The following MGAT4C variants were observed in gnomAD, a reference collection of about 807,000 sequenced individuals.
MGAT4C encodes MGAT4 family member C, also known as alpha-1,3-mannosyl-glycoprotein 4-beta-N-acetylglucosaminyltransferase C.
A neutral mutation model predicts 40.1 loss-of-function variants in MGAT4C; 19 were observed. That is an observed-to-expected ratio of 0.47 (90% CI 0.33 to 0.70). The LOEUF (loss-of-function observed/expected upper bound fraction) is 0.70. MGAT4C is among the 30% of genes least tolerant of loss of function. The pLI, the probability that MGAT4C is intolerant of heterozygous loss-of-function variation, is 0.02. For synonymous variants in MGAT4C, 181 were observed against 187.1 expected, an observed-to-expected ratio of 0.97 and a Z score of 0.27; for missense variants, 491 against 563.2, an observed-to-expected ratio of 0.87 and a Z score of 1.30.
chr12:86,688,874 G>GA (rs1350075874), intron 2 of MGAT4C, among the ~76,000 whole-genome samples: 3 of 152,076 alleles, frequency 2.0e-5, no homozygotes, highest in African/African-American at 7.2e-5. Context: ...TATATTTCCT[G>GA]AATTTGAATG....
intron 4 of MGAT4C, among the ~76,000 whole-genome samples, chr12:86,271,703 T>A (rs761841517): frequency 6.6e-6 from 1 of 152,216 alleles, no homozygotes; most frequent in African/African-American, 2.4e-5. Flanking sequence ...TGCACTTGCA[T>A]GTTTATTGCA....
chr12:86,512,287 G>A (rs1565817054), intron 2 of MGAT4C, among the ~76,000 whole-genome samples: 1 of 152,100 alleles, frequency 6.6e-6, no homozygotes, highest in Non-Finnish European at 1.5e-5. Flanking sequence ...GGAAGACACT[G>A]AAAGCATTGT....
At chr12:86,110,699 C>A (rs1397872633) in intron 1 of MGAT4C, among the ~76,000 whole-genome samples, 1 of 151,418 alleles carries the variant, frequency 6.6e-6, no homozygotes, top group Non-Finnish European at 1.5e-5. Context: ...AAAGTATAAG[C>A]ATGAAAGATT....
At chr12:86,130,316 T>C (rs1048962665) in intron 1 of MGAT4C, among the ~76,000 whole-genome samples, 1 of 152,154 alleles carries the variant, frequency 6.6e-6, no homozygotes, top group East Asian at 1.9e-4. Context: ...CCATATTGAA[T>C]ATGAAATATA....
intron 2 of MGAT4C, among the ~76,000 whole-genome samples, chr12:86,027,224 T>C (rs1050636279): frequency 3.3e-5 from 5 of 151,968 alleles, no homozygotes; most frequent in African/African-American, 1.2e-4. Context: ...CATGGGTATT[T>C]TCCTGGCTGT....
chr12:86,021,947 T>A (rs935354783), intron 2 of MGAT4C, among the ~76,000 whole-genome samples: 2 of 152,214 alleles, frequency 1.3e-5, no homozygotes, highest in Non-Finnish European at 2.9e-5. Context: ...TTTGGGTGGA[T>A]TTAATGCATA....
rs1281143610 is a variant in MGAT4C, at chr12:85,961,909, C to G, written c.*17380G>C. On this transcript the variant is annotated 3_prime_UTR_variant, in exon 5 of 5. Transcript: ENST00000611864. ...AACTTAATGATGTAAGAGTTAATTA[C>G]CCATTGTCAAAAATCATTGCCCATC... The G allele has an allele frequency of 6.6e-6, 1 of 151,776 alleles. No individual in the cohort carries two copies. Among genetic ancestry groups the G allele is most frequent in the Non-Finnish European group, 1.5e-5 (1 of 67,754 alleles). 9.4% of individuals were successfully genotyped at this position (151,776 alleles called of 1,614,324 possible). A position where few individuals can be genotyped will look rare whatever the true frequency, so the allele number is the denominator to read the frequency against.
chr12:86,816,920 ATTAC>A (rs1486483128), intron 1 of MGAT4C, among the ~76,000 whole-genome samples: 1 of 151,060 alleles, frequency 6.6e-6, no homozygotes, highest in African/African-American at 2.4e-5. Flanking sequence ...ATAATTTGAT[ATTAC>A]TTTATTTCTT....
intron 2 of MGAT4C, among the ~76,000 whole-genome samples, chr12:86,545,363 G>C (rs1211532616): frequency 2.0e-5 from 3 of 151,860 alleles, no homozygotes; most frequent in Non-Finnish European, 4.4e-5. Flanking sequence ...TGGTAATTTT[G>C]ATAACCTCAA....
intron 4 of MGAT4C, among the ~76,000 whole-genome samples, chr12:86,329,100 T>TTAAA (rs1294372331): frequency 1.8e-5 from 2 of 108,260 alleles, no homozygotes; most frequent in African/African-American, 3.3e-5. Flanking sequence ...AAGACTCCAT[T>TTAAA]TCAATAAATA....
Position 86,816,079 on chromosome 12 carries a change from C to G in MGAT4C, c.-262+22587G>C, listed in dbSNP as rs145805834. On this transcript the variant is annotated intron_variant, in intron 1 of 7. Coordinates refer to the MGAT4C transcript ENST00000548651. Reference sequence around the variant, plus strand: ...ATTCTTTATTTTCCTGACCATGTCCCCCAATAAGATTTTGAGTAGAAAATT... The same window carrying G: ...ATTCTTTATTTTCCTGACCATGTCCGCCAATAAGATTTTGAGTAGAAAATT... Among the ~76,000 whole-genome samples, 66 of 151,746 alleles carry G rather than the reference C, an allele frequency of 4.3e-4. 1 individual carries two copies. Among genetic ancestry groups the G allele is most frequent in the Admixed American group, 1.3e-3 (20 of 15,178 alleles).
intron 2 of MGAT4C, among the ~76,000 whole-genome samples, chr12:86,603,586 CA>C (rs1474207140): frequency 5.1e-5 from 6 of 116,718 alleles, no homozygotes; most frequent in South Asian, 2.5e-4. Context: ...AATATATAGT[CA>C]TATAGTCTAT....
At chr12:86,826,636 A>G (rs1952814174) in intron 1 of MGAT4C, among the ~76,000 whole-genome samples, 1 of 151,404 alleles carries the variant, frequency 6.6e-6, no homozygotes, top group Admixed American at 6.6e-5. Flanking sequence ...TATAATTTTA[A>G]AAATCCAACA....
At chr12:86,594,004 C>A (rs1462655697) in intron 2 of MGAT4C, among the ~76,000 whole-genome samples, 4 of 152,116 alleles carry the variant, frequency 2.6e-5, no homozygotes, top group Non-Finnish European at 2.9e-5. Context: ...CCTCGGCTTG[C>A]TTCTCCTAGC....
At chr12:86,423,307 T>C (rs1269870035) in intron 3 of MGAT4C, among the ~76,000 whole-genome samples, 1 of 151,760 alleles carries the variant, frequency 6.6e-6, no homozygotes, top group Non-Finnish European at 1.5e-5. Flanking sequence ...TATGAAGCAA[T>C]ATTATTATTA....
At chr12:86,802,588 G>A (rs1328384394) in intron 1 of MGAT4C, among the ~76,000 whole-genome samples, 1 of 151,546 alleles carries the variant, frequency 6.6e-6, no homozygotes, top group Non-Finnish European at 1.5e-5. Context: ...AAATCAGTGT[G>A]CAAAAATCAC....
chr12:86,797,887 CATTG>C (rs573663963), intron 1 of MGAT4C, among the ~76,000 whole-genome samples: 96 of 152,058 alleles, frequency 6.3e-4, no homozygotes, highest in African/African-American at 2.2e-3. Flanking sequence ...TCTTACAATT[CATTG>C]ATTGATTGTT....
rs930407490 is a variant in MGAT4C, at chr12:86,460,055, T to C, written c.-228-24790A>G. On this transcript the variant is annotated intron_variant, in intron 2 of 7. Coordinates refer to the MGAT4C transcript ENST00000548651. ...ATTTGTAACGCAAGTTCTTCAAACC[T>C]AAGAACATTTTGAGGCGTTGGTGTG... Among the ~76,000 whole-genome samples the C allele has an allele frequency of 6.6e-5, 10 of 152,166 alleles. 1 individual carries two copies. In the East Asian group the frequency reaches 1.9e-3, roughly 30 times the overall value.
intron 2 of MGAT4C, among the ~76,000 whole-genome samples, chr12:86,447,553 T>C (rs1957361071): frequency 6.6e-6 from 1 of 152,194 alleles, no homozygotes; most frequent in Non-Finnish European, 1.5e-5. Context: ...CCAGTTTTTT[T>C]TTAACTTTTT....
Sources: gnomAD v4.1 joint callset for allele counts (sites outside exome capture counted in the v4.1 genomes callset) on GRCh38, gnomAD v4.1.1 for gene constraint, MANE v1.5 for transcripts, NCBI Gene and HGNC (gene_info 2026-07-23, HGNC 2026-07-21) for gene names.